The following ACSS3 variants were observed in gnomAD, a reference collection of about 807,000 sequenced individuals.
The protein encoded by ACSS3 is acyl-CoA synthetase short-chain family member 3, mitochondrial.
ACSS3 carries 64 observed loss-of-function variants against 84.2 expected under a neutral mutation model. That is an observed-to-expected ratio of 0.76 (90% confidence interval 0.62 to 0.94). The LOEUF (loss-of-function observed/expected upper bound fraction) is 0.94, where lower values mean the gene tolerates loss of function less well. Ranked by LOEUF, ACSS3 falls within the 40% of genes least tolerant of loss-of-function variation. The pLI, the probability that ACSS3 is intolerant of heterozygous loss-of-function variation, is 0.00. For missense variants in ACSS3, 815 were observed against 867.6 expected, an observed-to-expected ratio of 0.94 and a Z score of 0.76; for synonymous variants, 317 against 310.1, an observed-to-expected ratio of 1.02 and a Z score of -0.23.
At chr12:81,088,400 A>G (rs1355694458) in intron 1 of ACSS3, among the ~76,000 whole-genome samples, 1 of 152,064 alleles carries the variant, frequency 6.6e-6, no homozygotes, top group Non-Finnish European at 1.5e-5. Flanking sequence ...GGGATAATTT[A>G]GTCTGCTAAA....
rs545450765 is a variant in ACSS3, at chr12:81,113,179, G to T, written c.456+3475G>T. Among the ~76,000 whole-genome samples, 11 of 152,164 alleles carry T rather than the reference G, an allele frequency of 7.2e-5. No homozygotes were observed. In the South Asian group the frequency reaches 2.1e-3, roughly 29 times the overall value. Reference sequence around the variant, plus strand: ...GGCAATTTCAATATAACCGAATAAGGGTCATGATAGGGGTTAATGTTATAT... The same window carrying T: ...GGCAATTTCAATATAACCGAATAAGTGTCATGATAGGGGTTAATGTTATAT... On this transcript the variant is annotated intron_variant, in intron 2 of 15. Transcript: ENST00000548058.
At chr12:81,125,928 G>A (rs1042055155) in intron 2 of ACSS3, 1 of 152,040 alleles carries the variant, frequency 6.6e-6, no homozygotes, top group African/African-American at 2.4e-5. Context: ...CGCAATAATC[G>A]AGTTTATGCA....
At chr12:81,089,621 G>A (rs1013102350) in intron 1 of ACSS3, among the ~76,000 whole-genome samples, 9 of 151,832 alleles carry the variant, frequency 5.9e-5, no homozygotes, top group African/African-American at 2.2e-4. Context: ...GAATGAGAAG[G>A]AAACTAACAT....
chr12:81,137,234 T>C (rs796345501), intron 3 of ACSS3, among the ~76,000 whole-genome samples: 1 of 151,040 alleles, frequency 6.6e-6, no homozygotes, highest in African/African-American at 2.4e-5. Context: ...CTGTAAAAAA[T>C]TTTGATAAGA....
At chr12:81,164,393 A>T (rs950841912) in intron 7 of ACSS3, among the ~76,000 whole-genome samples, 1 of 152,186 alleles carries the variant, frequency 6.6e-6, no homozygotes, top group Non-Finnish European at 1.5e-5. Flanking sequence ...CTAAAGATAC[A>T]TATGTCAGAA....
At chr12:81,228,507 T>C (rs1565732612) in intron 11 of ACSS3, among the ~76,000 whole-genome samples, 1 of 151,858 alleles carries the variant, frequency 6.6e-6, no homozygotes, top group Non-Finnish European at 1.5e-5. Flanking sequence ...CCTGTAGGCA[T>C]CAATTAATTA....
chr12:81,247,786 G>A (rs1390147675), intron 13 of ACSS3, among the ~76,000 whole-genome samples: 2 of 151,982 alleles, frequency 1.3e-5, no homozygotes, highest in African/African-American at 4.8e-5. Context: ...AATGTTTGAT[G>A]ATGTATCCAG....
At chr12:81,138,463 A>G (rs902011821) in intron 3 of ACSS3, among the ~76,000 whole-genome samples, 2 of 152,222 alleles carry the variant, frequency 1.3e-5, no homozygotes, top group African/African-American at 4.8e-5. Flanking sequence ...GGTTCCCACC[A>G]GGGATACATT....
chr12:81,201,901 C>G lies in ACSS3; in HGVS notation c.1354+2457C>G, dbSNP rs144465796. On this transcript the variant is annotated intron_variant, in intron 9 of 15. Coordinates refer to ENST00000548058, the MANE Select transcript of ACSS3 (RefSeq NM_024560.4). ...GTGATGCAGAGGTTGGCTAACAGGA[C>G]ACTAGTTAGGATCTCTATACGTTTG... Among the ~76,000 whole-genome samples the G allele has an allele frequency of 5.8e-4, 89 of 152,206 alleles. No homozygotes were observed. The Middle Eastern group carries it at 0.01, about 18-fold the overall frequency.
At chr12:81,134,684 C>A in intron 2 of ACSS3, 132 bp from the exon 3 acceptor site, 2 of 648,734 alleles carry the variant, frequency 3.1e-6, no homozygotes, top group Non-Finnish European at 4.6e-6. Flanking sequence ...TCATCATCAT[C>A]AAATATGTGT....
chr12:81,186,099 C>A (rs1399833134), intron 8 of ACSS3, among the ~76,000 whole-genome samples: 1 of 151,634 alleles, frequency 6.6e-6, no homozygotes, highest in Non-Finnish European at 1.5e-5. Context: ...ACCAGGAAGA[C>A]ACAATAGGGA....
rs531010366 is a variant in ACSS3, at chr12:81,165,661, A to T, written c.1099-9127A>T. On this transcript the variant is annotated intron_variant, in intron 7 of 15. Transcript: ENST00000548058. The stretch of plus-strand genomic sequence containing the variant: ...ACTCTGTCTCAAAAAGAAAAAAAAA[A>T]AGATTAATATAAAGTACAGAAAGCA... Among the ~76,000 whole-genome samples the T allele has an allele frequency of 1.8e-3, 276 of 152,210 alleles. 1 individual carries two copies. The highest frequency in any genetic ancestry group is 6.2e-3 in the African/African-American group (256 of 41,530).
chr12:81,100,508 G>T (rs774454948), intron 1 of ACSS3, among the ~76,000 whole-genome samples: 2 of 152,040 alleles, frequency 1.3e-5, no homozygotes, highest in Non-Finnish European at 2.9e-5. Context: ...CATTTCATTT[G>T]CCCTGGAGTG....
At chr12:81,160,941 T>C (rs1374980810) in intron 7 of ACSS3, among the ~76,000 whole-genome samples, 1 of 152,212 alleles carries the variant, frequency 6.6e-6, no homozygotes, top group East Asian at 1.9e-4. Flanking sequence ...ACCTATGGCA[T>C]TCAATTGGTT....
At chr12:81,126,558 T>A (rs1432744357) in intron 2 of ACSS3, among the ~76,000 whole-genome samples, 3 of 148,434 alleles carry the variant, frequency 2.0e-5, no homozygotes, top group African/African-American at 7.3e-5. Context: ...GATGATTTTC[T>A]TGTAAATTTT....
At chr12:81,155,935 G>A (rs781504405) in intron 7 of ACSS3, among the ~76,000 whole-genome samples, 1 of 152,014 alleles carries the variant, frequency 6.6e-6, no homozygotes, top group Non-Finnish European at 1.5e-5. Context: ...AACTATTCTC[G>A]ACAGCAGCAG....
At chr12:81,200,844 A>G (rs1329546716) in intron 9 of ACSS3, among the ~76,000 whole-genome samples, 1 of 151,020 alleles carries the variant, frequency 6.6e-6, no homozygotes, top group African/African-American at 2.4e-5. Flanking sequence ...CGGTGAGCCA[A>G]GATCCTATCA....
At chr12:81,098,877 C>T (rs1445844784) in intron 1 of ACSS3, among the ~76,000 whole-genome samples, 1 of 152,108 alleles carries the variant, frequency 6.6e-6, no homozygotes, top group African/African-American at 2.4e-5. Context: ...TAGTTTGTAC[C>T]TCTGTCAGGA....
chr12:81,133,086 A>C (rs1288686267), intron 2 of ACSS3, among the ~76,000 whole-genome samples: 1 of 149,746 alleles, frequency 6.7e-6, no homozygotes, highest in African/African-American at 2.5e-5. Context: ...TAGAGTTTGC[A>C]ATATAAAGTA....
Sources: gnomAD v4.1 joint callset for allele counts (sites outside exome capture counted in the v4.1 genomes callset) on GRCh38, gnomAD v4.1.1 for gene constraint, MANE v1.5 for transcripts, NCBI Gene and HGNC (gene_info 2026-07-23, HGNC 2026-07-21) for gene names.